GYG2: variants seen among roughly 807,000 people sequenced by gnomAD.
GYG2 encodes glycogenin 2, also known as glycogenin-2.
A neutral mutation model predicts 29.4 loss-of-function variants in GYG2; 29 were observed. The observed-to-expected ratio is 0.99, with a 90% CI of 0.74 to 1.35. The LOEUF (loss-of-function observed/expected upper bound fraction) is 1.35, where lower values mean the gene tolerates loss of function less well. Among genes scored for constraint, GYG2 ranks in the 40% most tolerant of loss-of-function variants. The pLI, the probability that GYG2 is intolerant of heterozygous loss-of-function variation, is 0.00. For missense variants in GYG2, 370 were observed against 385.7 expected (o/e 0.96, Z 0.34); for synonymous variants, 167 against 172.3 (o/e 0.97, Z 0.24).
At position 2,840,860 on chromosome X, in the gene GYG2, T is replaced by C. The variant is rs760392862; in HGVS notation, c.8-2353T>C. Among the ~76,000 whole-genome samples the C allele has an allele frequency of 1.8e-4, 20 of 111,225 alleles. No homozygotes were observed. The South Asian group carries it at 7.6e-3, about 42-fold the overall frequency. On this transcript the variant is annotated intron_variant, in intron 2 of 10. Coordinates refer to ENST00000398806, the MANE Select transcript of GYG2 (RefSeq NM_001079855.2). The stretch of plus-strand genomic sequence containing the variant: ...CTAGATAGATAATAGAGATACATGA[T>C]AGTAAGATAGATAATAAATAATAGA...
chrX:2,834,779 G>A (rs1449015689), intron 2 of GYG2, among the ~76,000 whole-genome samples: 1 of 112,223 alleles, frequency 8.9e-6, no homozygotes, highest in East Asian at 2.8e-4. Context: ...ATGCCCTTAT[G>A]TGTGCAGCTT....
rs757239131 is a variant in GYG2 at position 2,850,323 on chromosome X, G to A, written c.150-3657G>A. Among the ~76,000 whole-genome samples the A allele has an allele frequency of 2.9e-4, 32 of 111,803 alleles. No homozygotes were observed. The South Asian group carries it at 7.8e-3, about 27-fold the overall frequency. On this transcript the variant is annotated intron_variant, in intron 3 of 10. Transcript: ENST00000398806. ...AGAATGAGCATATGTTCATGTTTTT[G>A]TTTCGTCTGGGAAGAAGACATAGGT...
In GYG2 at chrX:2,856,963, TTATCTATCTATCTATCTATC is replaced by T. The variant is rs71989016; in HGVS notation, c.614+368_614+387del. Among the ~76,000 whole-genome samples, 49 of 63,602 alleles carry T rather than the reference TTATCTATCTATCTATCTATC, an allele frequency of 7.7e-4. 1 individual carries two copies. The highest frequency in any genetic ancestry group is 3.7e-3 in the South Asian group (4 of 1,074). The allele number at this position is 63,602 out of a possible 115,157, so 55.2% of individuals were successfully genotyped here. A position where few individuals can be genotyped will look rare whatever the true frequency, so the allele number is the denominator to read the frequency against. On this transcript the variant is annotated intron_variant, in intron 6 of 10. Transcript: ENST00000398806. ...TACCTATATAGGCCTAGACATCTGT[TTATCTATCTATCTATCTATC>T]TATCTATCTATCTATCTATCTATCT...
At chrX:2,849,425 T>C (rs1333642067) in intron 3 of GYG2, among the ~76,000 whole-genome samples, 2 of 111,779 alleles carry the variant, frequency 1.8e-5, no homozygotes, top group East Asian at 5.6e-4. Flanking sequence ...CTTCAATATC[T>C]GTCAAATAGG....
At chrX:2,871,851 G>C (rs1475296505) in intron 8 of GYG2, among the ~76,000 whole-genome samples, 1 of 112,170 alleles carries the variant, frequency 8.9e-6, no homozygotes, top group African/African-American at 3.2e-5. Flanking sequence ...CAGTTCCTGA[G>C]CTGATACATA....
intron 2 of GYG2, among the ~76,000 whole-genome samples, chrX:2,841,096 T>C (rs1569054053): frequency 9.1e-6 from 1 of 110,444 alleles, no homozygotes; most frequent in Non-Finnish European, 1.9e-5. Context: ...AATTGGTAGA[T>C]GATGGATGGA....
At chrX:2,860,272 T>C (rs1191443179) in intron 7 of GYG2, among the ~76,000 whole-genome samples, 1 of 111,138 alleles carries the variant, frequency 9.0e-6, no homozygotes, top group Non-Finnish European at 1.9e-5. Context: ...GGAGATCCTG[T>C]TTTGATGTGT....
rs1225875790 is a variant in GYG2, at chrX:2,830,054, C to G, written c.-128-7C>G. The stretch of plus-strand genomic sequence containing the variant: ...GGGTGTCGAGACTGCCACGCTGTCG[C>G]CCCCAGGCCTGGAAATCCACGCGGA... On this transcript the variant is annotated splice_region_variant and splice_polypyrimidine_tract_variant and intron_variant, in intron 1 of 10. Transcript: ENST00000398806. The G allele has an allele frequency of 5.4e-5, 32 of 589,797 alleles. No homozygotes were observed. Among genetic ancestry groups the G allele is most frequent in the Admixed American group, 8.7e-5 (3 of 34,616 alleles). The allele number at this position is 589,797 out of a possible 1,213,427, so 48.6% of individuals were successfully genotyped here.
chrX:2,858,359 G>T (rs953613079), intron 6 of GYG2, among the ~76,000 whole-genome samples: 1 of 111,465 alleles, frequency 9.0e-6, no homozygotes, highest in African/African-American at 3.3e-5. Flanking sequence ...TCAGCTACTC[G>T]GGAGGCTGCG....
At chrX:2,880,333 G>A (rs773250541) in intron 10 of GYG2, among the ~76,000 whole-genome samples, 2 of 110,072 alleles carry the variant, frequency 1.8e-5, no homozygotes, top group Non-Finnish European at 3.8e-5. Flanking sequence ...CTTACAGGAG[G>A]TGAGTTGTTT....
At chrX:2,835,050 C>T (rs2087344904) in intron 2 of GYG2, among the ~76,000 whole-genome samples, 1 of 111,636 alleles carries the variant, frequency 9.0e-6, no homozygotes. Context: ...ATGTAAGATA[C>T]ACATTGCTTT....
At chrX:2,850,186 G>A (rs2087837814) in intron 3 of GYG2, among the ~76,000 whole-genome samples, 1 of 111,094 alleles carries the variant, frequency 9.0e-6, no homozygotes, top group Non-Finnish European at 1.9e-5. Flanking sequence ...AAGCAGTGCT[G>A]AATAAATAAA....
intron 3 of GYG2, among the ~76,000 whole-genome samples, chrX:2,848,655 G>A (rs1222591802): frequency 9.0e-6 from 1 of 111,533 alleles, no homozygotes; most frequent in East Asian, 2.8e-4. Flanking sequence ...AGCCGGCGGG[G>A]GCGACGGGGT....
At chrX:2,840,041 G>A (rs1456026100) in intron 2 of GYG2, among the ~76,000 whole-genome samples, 1 of 112,136 alleles carries the variant, frequency 8.9e-6, no homozygotes, top group African/African-American at 3.2e-5. Context: ...TTTATGTTAT[G>A]TTAATTTCCC....
chrX:2,861,074 G>T (rs2088153146), intron 7 of GYG2, among the ~76,000 whole-genome samples: 1 of 109,921 alleles, frequency 9.1e-6, no homozygotes, highest in African/African-American at 3.3e-5. Flanking sequence ...AACAGAGTCT[G>T]CTATCAGCAC....
At position 2,853,982 on chromosome X, in the gene GYG2, T is replaced by A. The variant is rs2087923028; in HGVS notation, c.152T>A (p.Val51Asp). 1 of 1,193,827 alleles carries A rather than the reference T, an allele frequency of 8.4e-7. No homozygotes were observed. Among genetic ancestry groups the A allele is most frequent in the Non-Finnish European group, 1.1e-6 (1 of 880,887 alleles). Residue 51 changes from valine to aspartate, a missense_variant and splice_region_variant, in exon 4 of 11, where the codon GTC becomes GAC. Transcript: ENST00000398806. ...TATTTGGCACATGTCTGTTCCAGGGTCATCCTCTCGAAGGTGTTCGATGAA... is the reference window on the plus strand; with the variant it reads ...TATTTGGCACATGTCTGTTCCAGGGACATCCTCTCGAAGGTGTTCGATGAA... ...ITPQVSSLLR[V>D]ILSKVFDEVI...
At chrX:2,829,005 A>T (rs1412143766) in intron 1 of GYG2, 30 bp downstream of exon 1, 1 of 101,447 alleles carries the variant, frequency 9.9e-6, no homozygotes, top group African/African-American at 3.7e-5. Flanking sequence ...GCTGCAGGGG[A>T]CCGTGGGCAG....
intron 2 of GYG2, among the ~76,000 whole-genome samples, chrX:2,841,440 A>T (rs1343815348): frequency 9.0e-6 from 1 of 111,416 alleles, no homozygotes; most frequent in African/African-American, 3.3e-5. Flanking sequence ...GGATGGATGG[A>T]TGGATGGATG....
In GYG2 at chrX:2,830,118, G is replaced by A. The variant is rs1167440101; in HGVS notation, c.-71G>A. The stretch of plus-strand genomic sequence containing the variant: ...CGCCTCTGCTCTGCGGGTTCGTGGC[G>A]AGGAAGTCCACCCACTGCTCCCGGG... On this transcript the variant is annotated 5_prime_UTR_variant, in exon 2 of 11. Transcript: ENST00000398806. The A allele has an allele frequency of 9.9e-6, 11 of 1,106,017 alleles. No individual in the cohort carries two copies. Among genetic ancestry groups the A allele is most frequent in the Middle Eastern group, 4.9e-4 (2 of 4,122 alleles). The allele number at this position is 1,106,017 out of a possible 1,213,427, so 91.1% of individuals were successfully genotyped here.
Sources: allele counts gnomAD v4.1 joint callset (sites outside exome capture counted in the v4.1 genomes callset), GRCh38; gene constraint gnomAD v4.1.1; transcripts MANE v1.5; gene names NCBI Gene and HGNC (gene_info 2026-07-23, HGNC 2026-07-21).